The following SLC25A26 variants were observed in gnomAD, a reference collection of about 807,000 sequenced individuals.
SLC25A26 encodes the protein solute carrier family 25 member 26.
Under a neutral mutation model 37.8 loss-of-function variants are expected in SLC25A26, and 36 were observed. That is an observed-to-expected ratio of 0.95 (90% CI 0.73 to 1.26). The LOEUF is 1.26. SLC25A26 is among the 50% of genes most tolerant of loss of function. The pLI, the probability that SLC25A26 is intolerant of heterozygous loss-of-function variation, is 0.00. For synonymous variants in SLC25A26, 129 were observed against 122.5 expected (o/e 1.05, Z -0.35); for missense variants, 390 against 331.1 (o/e 1.18, Z -1.38).
chr3:66,176,293 C>T (rs190600178), intron 1 of SLC25A26, among the ~76,000 whole-genome samples: 21 of 152,206 alleles, frequency 1.4e-4, no homozygotes, highest in African/African-American at 4.8e-4. Context: ...CTGGTGTCTT[C>T]CATCGAAACT....
chr3:66,302,753 G>T (rs1486920219), intron 5 of SLC25A26, among the ~76,000 whole-genome samples: 1 of 152,194 alleles, frequency 6.6e-6, no homozygotes, highest in Non-Finnish European at 1.5e-5. Context: ...ATACAACTTG[G>T]TGAAAAGGTT....
intron 5 of SLC25A26, among the ~76,000 whole-genome samples, chr3:66,320,198 C>T (rs967097806): frequency 2.0e-5 from 3 of 152,120 alleles, no homozygotes; most frequent in Non-Finnish European, 4.4e-5. Context: ...ACCATGATCA[C>T]TATTTCTAAA....
At chr3:66,209,645 C>A (rs1372889521) in intron 1 of SLC25A26, among the ~76,000 whole-genome samples, 12 of 110,242 alleles carry the variant, frequency 1.1e-4, no homozygotes, top group African/African-American at 3.1e-4. Flanking sequence ...ATATATATAC[C>A]TTTTATAGAT....
chr3:66,197,477 G>A (rs2071060433), intron 1 of SLC25A26, among the ~76,000 whole-genome samples: 2 of 152,190 alleles, frequency 1.3e-5, no homozygotes, highest in Admixed American at 6.5e-5. Flanking sequence ...ATCAGGTGAG[G>A]GTCAGTATCA....
At chr3:66,209,085 A>AAAAT (rs2071232192) in intron 1 of SLC25A26, among the ~76,000 whole-genome samples, 1 of 13,502 alleles carries the variant, frequency 7.4e-5, no homozygotes, top group Non-Finnish European at 1.4e-4. Flanking sequence ...CACCCATATA[A>AAAAT]AGATGTATAT....
chr3:66,188,129 A>C (rs1046348108), intron 1 of SLC25A26, among the ~76,000 whole-genome samples: 124,541 of 151,964 alleles, frequency 0.82, 51,111 homozygotes, highest in South Asian at 0.92. Context: ...CCCTAACCTG[A>C]ACCCTCAAAT....
chr3:66,269,026 T>A (rs1195367893), intron 5 of SLC25A26, among the ~76,000 whole-genome samples: 2 of 152,230 alleles, frequency 1.3e-5, no homozygotes, highest in Non-Finnish European at 2.9e-5. Flanking sequence ...GAGAATGGAC[T>A]GATAAAACAC....
chr3:66,306,635 C>T (rs2075230966), intron 5 of SLC25A26, among the ~76,000 whole-genome samples: 2 of 152,134 alleles, frequency 1.3e-5, no homozygotes, highest in Non-Finnish European at 2.9e-5. Flanking sequence ...TTAGGTATTT[C>T]TCCTAATGCT....
chr3:66,279,419 C>G (rs6806805), intron 5 of SLC25A26, among the ~76,000 whole-genome samples: 1,603 of 152,230 alleles, frequency 0.011, 33 homozygotes, highest in African/African-American at 0.037. Flanking sequence ...AAACTTACAC[C>G]TGGTGCTACA....
chr3:66,345,509 A>G (rs971961297), intron 5 of SLC25A26, among the ~76,000 whole-genome samples: 1 of 84,792 alleles, frequency 1.2e-5, no homozygotes, highest in Non-Finnish European at 2.2e-5. Flanking sequence ...CCTACCCTCT[A>G]CCTCCCTGCT....
intron 3 of SLC25A26, among the ~76,000 whole-genome samples, chr3:66,243,580 G>A (rs1245014626): frequency 6.6e-6 from 1 of 152,174 alleles, no homozygotes; most frequent in Non-Finnish European, 1.5e-5. Flanking sequence ...AAAAGACAAA[G>A]AGTGGAAGAA....
intron 1 of SLC25A26, among the ~76,000 whole-genome samples, chr3:66,138,845 C>T (rs1009418295): frequency 6.6e-6 from 1 of 152,082 alleles, no homozygotes; most frequent in Non-Finnish European, 1.5e-5. Flanking sequence ...CTGAGCACAG[C>T]CACTGTGTGA....
chr3:66,204,688 A>C (rs924651318), intron 1 of SLC25A26, among the ~76,000 whole-genome samples: 131 of 152,270 alleles, frequency 8.6e-4, no homozygotes, highest in African/African-American at 3.0e-3. Flanking sequence ...TTCGGCAAAG[A>C]TTAGTTGAGA....
At chr3:66,295,743 C>T (rs987246612) in intron 5 of SLC25A26, among the ~76,000 whole-genome samples, 1 of 151,892 alleles carries the variant, frequency 6.6e-6, no homozygotes, top group African/African-American at 2.4e-5. Context: ...CGTGATCCGC[C>T]TGCCTTGGCC....
intron 1 of SLC25A26, among the ~76,000 whole-genome samples, chr3:66,188,743 G>T (rs2070878963): frequency 6.6e-6 from 1 of 152,018 alleles, no homozygotes; most frequent in Non-Finnish European, 1.5e-5. Context: ...CTAAGACACT[G>T]ACCTGGTACT....
At chr3:66,329,645 A>G (rs542775750) in intron 5 of SLC25A26, among the ~76,000 whole-genome samples, 2 of 152,346 alleles carry the variant, frequency 1.3e-5, no homozygotes, top group South Asian at 4.1e-4. Context: ...GAAAATTGAA[A>G]GAAGAAAGGC....
At chr3:66,321,251 C>T (rs910354336) in intron 5 of SLC25A26, among the ~76,000 whole-genome samples, 7 of 152,184 alleles carry the variant, frequency 4.6e-5, no homozygotes, top group Non-Finnish European at 7.3e-5. Flanking sequence ...TTTTAACAAG[C>T]GCTTGAAATG....
chr3:66,168,554 AT>A (rs1301651120), intron 1 of SLC25A26, among the ~76,000 whole-genome samples: 1 of 152,086 alleles, frequency 6.6e-6, no homozygotes, highest in Non-Finnish European at 1.5e-5. Context: ...AATTACTTTT[AT>A]TTTTTTCCCC....
chr3:66,299,082 A>T (rs917156071), intron 5 of SLC25A26, among the ~76,000 whole-genome samples: 1 of 152,152 alleles, frequency 6.6e-6, no homozygotes, highest in Non-Finnish European at 1.5e-5. Flanking sequence ...ATGAATACGT[A>T]CCTATGTATA....
Sources: gnomAD v4.1 joint callset for allele counts (sites outside exome capture counted in the v4.1 genomes callset) on GRCh38, gnomAD v4.1.1 for gene constraint, MANE v1.5 for transcripts, NCBI Gene and HGNC (gene_info 2026-07-23, HGNC 2026-07-21) for gene names.